The following KCNH5 variants were observed in gnomAD, a reference collection of about 807,000 sequenced individuals.
The protein encoded by KCNH5 is voltage-gated delayed rectifier potassium channel KCNH5.
In KCNH5, 46 loss-of-function variants were observed where a neutral mutation model predicts 96.1. That is an observed-to-expected ratio of 0.48 (90% CI 0.38 to 0.61). The LOEUF (loss-of-function observed/expected upper bound fraction) is 0.61. KCNH5 is among the 20% of genes least tolerant of loss of function. KCNH5 has a pLI of 0.00. For synonymous variants in KCNH5, 439 were observed against 449.8 expected, an observed-to-expected ratio of 0.98 and a Z score of 0.30; for missense variants, 907 against 1,225.8, an observed-to-expected ratio of 0.74 and a Z score of 3.88.
In KCNH5 at chr14:62,702,943, C is replaced by G. The variant is rs753034302; in HGVS notation, c.*4565G>C. 8 of 151,854 alleles carry G rather than the reference C, an allele frequency of 5.3e-5. No homozygotes were observed. Among genetic ancestry groups the G allele is most frequent in the Non-Finnish European group, 1.0e-4 (7 of 67,822 alleles). 9.4% of individuals were successfully genotyped at this position (151,854 alleles called of 1,614,324 possible). A position where few individuals can be genotyped will look rare whatever the true frequency, so the allele number is the denominator to read the frequency against. ...ATAAAAAGTTGAAGGATGAACTACT[C>G]TAGTTTTTATTTGTATAAATTTAAG... is the stretch of plus-strand genomic sequence containing the variant. On this transcript the variant is annotated 3_prime_UTR_variant, in exon 11 of 11. Transcript: ENST00000322893.
chr14:62,942,810 C>A (rs957266965), intron 7 of KCNH5, among the ~76,000 whole-genome samples: 3 of 152,146 alleles, frequency 2.0e-5, no homozygotes, highest in African/African-American at 7.2e-5. Flanking sequence ...ACCAATTAAA[C>A]CCCAGCAATT....
rs975683579 is a variant in KCNH5 at position 62,760,130 on chromosome 14, G to A, written c.2019+19598C>T. Among the ~76,000 whole-genome samples, 4 of 152,102 alleles carry A rather than the reference G, an allele frequency of 2.6e-5. No homozygotes were observed. The East Asian group carries it at 5.8e-4, about 22-fold the overall frequency. ...TGATTTCTCCTGCTCACCTTTGCTG[G>A]CACAGGAGACTCTCTGCTGTGTACT... On this transcript the variant is annotated intron_variant, in intron 10 of 10. Coordinates refer to ENST00000322893, the MANE Select transcript of KCNH5 (RefSeq NM_139318.5).
intron 4 of KCNH5, among the ~76,000 whole-genome samples, chr14:62,992,053 C>T (rs535098796): frequency 6.7e-4 from 102 of 151,958 alleles, no homozygotes; most frequent in Non-Finnish European, 1.3e-3. Context: ...TTTTTTAACA[C>T]CCACTTATGA....
intron 2 of KCNH5, among the ~76,000 whole-genome samples, chr14:63,008,250 A>C (rs959365645): frequency 9.9e-5 from 15 of 152,152 alleles, no homozygotes; most frequent in Non-Finnish European, 2.1e-4. Context: ...AAGAAAAAGA[A>C]TACAAAATTA....
chr14:62,794,268 A>C (rs1401071338), intron 9 of KCNH5, among the ~76,000 whole-genome samples: 1 of 152,088 alleles, frequency 6.6e-6, no homozygotes, highest in African/African-American at 2.4e-5. Context: ...TTTTTAAAAA[A>C]TAAAAATAAA....
intron 6 of KCNH5, among the ~76,000 whole-genome samples, chr14:62,978,220 A>T (rs1392924513): frequency 2.6e-5 from 4 of 152,158 alleles, no homozygotes; most frequent in Admixed American, 2.6e-4. Flanking sequence ...ACTGTGGCTA[A>T]TTTCAAGCTA....
intron 6 of KCNH5, among the ~76,000 whole-genome samples, chr14:62,968,941 A>G (rs1566725541): frequency 6.6e-6 from 1 of 152,246 alleles, no homozygotes; most frequent in Non-Finnish European, 1.5e-5. Context: ...CTGAGCCTAT[A>G]GATGAAAGAC....
intron 8 of KCNH5, among the ~76,000 whole-genome samples, chr14:62,839,971 T>C (rs1173816412): frequency 6.6e-6 from 1 of 152,196 alleles, no homozygotes; most frequent in Non-Finnish European, 1.5e-5. Flanking sequence ...GCTTCCTGTA[T>C]TGTATTTCAA....
chr14:62,718,299 A>G (rs1884729269), intron 10 of KCNH5, among the ~76,000 whole-genome samples: 1 of 152,114 alleles, frequency 6.6e-6, no homozygotes, highest in Admixed American at 6.6e-5. Flanking sequence ...AAAATATAAT[A>G]ATAATAATAT....
intron 10 of KCNH5, among the ~76,000 whole-genome samples, chr14:62,771,115 GGAGAGAAA>G (rs112690447): frequency 0.028 from 4,281 of 152,218 alleles, 158 homozygotes; most frequent in East Asian, 0.096. Context: ...GGCAACCCAA[GGAGAGAAA>G]CGTCCCCAGA....
intron 10 of KCNH5, among the ~76,000 whole-genome samples, chr14:62,766,682 G>A (rs1486510887): frequency 6.6e-6 from 1 of 152,114 alleles, no homozygotes; most frequent in Admixed American, 6.6e-5. Flanking sequence ...ACAGAAACTG[G>A]GATGGGTGGT....
intron 4 of KCNH5, among the ~76,000 whole-genome samples, chr14:62,987,704 A>T (rs185786672): frequency 6.6e-6 from 1 of 152,224 alleles, no homozygotes; most frequent in Admixed American, 6.5e-5. Context: ...AAGCTGCTGA[A>T]TAACTGTGTG....
chr14:62,813,085 T>G (rs939027608), intron 8 of KCNH5, among the ~76,000 whole-genome samples: 2 of 152,090 alleles, frequency 1.3e-5, no homozygotes, highest in African/African-American at 2.4e-5. Context: ...AGAAGAAAAA[T>G]TAGTAGGTAA....
At chr14:62,749,528 C>T (rs1305725035) in intron 10 of KCNH5, among the ~76,000 whole-genome samples, 1 of 152,164 alleles carries the variant, frequency 6.6e-6, no homozygotes, top group Non-Finnish European at 1.5e-5. Context: ...AGATTCTCTT[C>T]CTTAGGAGGG....
chr14:63,025,618 A>G (rs1891509489), intron 1 of KCNH5, among the ~76,000 whole-genome samples: 1 of 19,448 alleles, frequency 5.1e-5, no homozygotes. Flanking sequence ...TTACAATAGT[A>G]ACAAAAAAAA....
At chr14:62,771,452 C>T (rs1265687757) in intron 10 of KCNH5, among the ~76,000 whole-genome samples, 2 of 152,028 alleles carry the variant, frequency 1.3e-5, no homozygotes, top group African/African-American at 4.8e-5. Flanking sequence ...TGGTGAAACC[C>T]CGTCTCTATT....
intron 8 of KCNH5, among the ~76,000 whole-genome samples, chr14:62,811,196 C>CTTAGCAAATATTCTCAAG (rs1886866535): frequency 6.6e-6 from 1 of 152,094 alleles, no homozygotes; most frequent in Non-Finnish European, 1.5e-5. Flanking sequence ...AAAGATGTAA[C>CTTAGCAAATATTCTCAAG]CTCCACATTT....
intron 10 of KCNH5, among the ~76,000 whole-genome samples, chr14:62,716,785 G>A (rs1884695670): frequency 6.6e-6 from 1 of 152,020 alleles, no homozygotes; most frequent in African/African-American, 2.4e-5. Context: ...ATTGTATTGG[G>A]GGGTTCTAGC....
chr14:62,775,098 T>C (rs1886068718), intron 10 of KCNH5, among the ~76,000 whole-genome samples: 1 of 152,228 alleles, frequency 6.6e-6, no homozygotes, highest in African/African-American at 2.4e-5. Flanking sequence ...TTTCAAGATA[T>C]CTTTGGCACA....
Sources: gnomAD v4.1 joint callset for allele counts (sites outside exome capture counted in the v4.1 genomes callset) on GRCh38, gnomAD v4.1.1 for gene constraint, MANE v1.5 for transcripts, NCBI Gene and HGNC (gene_info 2026-07-23, HGNC 2026-07-21) for gene names.